The following PPARGC1A variants were observed in gnomAD, a reference collection of about 807,000 sequenced individuals.
PPARGC1A encodes the protein PPARG coactivator 1 alpha.
PPARGC1A carries 25 observed loss-of-function variants against 88.7 expected under a neutral mutation model. That is an observed-to-expected ratio of 0.28 (90% CI 0.21 to 0.39). The LOEUF (loss-of-function observed/expected upper bound fraction) is 0.39, where lower values mean the gene tolerates loss of function less well. Ranked by LOEUF, PPARGC1A falls within the 10% of genes least tolerant of loss-of-function variation. The pLI is 1.00. For synonymous variants in PPARGC1A, 363 were observed against 355.6 expected, an observed-to-expected ratio of 1.02 and a Z score of -0.24; for missense variants, 880 against 968.7, an observed-to-expected ratio of 0.91 and a Z score of 1.22.
the PPARGC1A span, among the ~76,000 whole-genome samples, chr4:24,274,291 C>T: frequency 0.87 from 132,822 of 152,026 alleles, 58,110 homozygotes; most frequent in East Asian, 1. Flanking sequence ...GGATATCCAC[C>T]TCCTACTCTA....
the PPARGC1A span, among the ~76,000 whole-genome samples, chr4:24,081,415 TAA>T: frequency 2.9e-3 from 444 of 152,118 alleles, 4 homozygotes; most frequent in African/African-American, 0.01. Context: ...ATGCAAAAAA[TAA>T]AGTCTTTTAA....
the PPARGC1A span, among the ~76,000 whole-genome samples, chr4:23,994,722 A>G: frequency 6.6e-6 from 1 of 152,182 alleles, no homozygotes; most frequent in Non-Finnish European, 1.5e-5. Flanking sequence ...AAACATCATA[A>G]GAAAGAAAGA....
the PPARGC1A span, among the ~76,000 whole-genome samples, chr4:24,055,078 C>G: frequency 6.6e-6 from 1 of 152,320 alleles, no homozygotes; most frequent in African/African-American, 2.4e-5. Flanking sequence ...ATTGCAGCTG[C>G]TACAGGACAG....
the PPARGC1A span, among the ~76,000 whole-genome samples, chr4:23,913,242 T>TTATATA: frequency 3.3e-4 from 31 of 94,586 alleles, no homozygotes; most frequent in Middle Eastern, 7.0e-3. Context: ...ATTATATATT[T>TTATATA]TATATATATA....
At chr4:24,111,847 T>G in the PPARGC1A span, among the ~76,000 whole-genome samples, 1 of 152,174 alleles carries the variant, frequency 6.6e-6, no homozygotes, top group Non-Finnish European at 1.5e-5. Context: ...TGCACACATA[T>G]AGCCACACAT....
chr4:24,050,962 C>T, the PPARGC1A span, among the ~76,000 whole-genome samples: 60 of 152,046 alleles, frequency 3.9e-4, no homozygotes, highest in Admixed American at 3.1e-3. Context: ...CCAAGGTGGG[C>T]AGATCATGAG....
chr4:24,110,385 C>G, the PPARGC1A span, among the ~76,000 whole-genome samples: 5 of 152,164 alleles, frequency 3.3e-5, no homozygotes, highest in Admixed American at 6.5e-5. Context: ...AGATAGATAC[C>G]TGAATTGCAA....
At chr4:24,335,294 G>A in the PPARGC1A span, among the ~76,000 whole-genome samples, 1 of 152,164 alleles carries the variant, frequency 6.6e-6, no homozygotes, top group Non-Finnish European at 1.5e-5. Flanking sequence ...ATTTATAGAT[G>A]AGGAAACTGA....
intron 10 of PPARGC1A, among the ~76,000 whole-genome samples, chr4:23,807,712 T>C (rs61795669): frequency 6.6e-6 from 1 of 152,088 alleles, no homozygotes; most frequent in African/African-American, 2.4e-5. Context: ...CTCCAAAATT[T>C]CCTTGTGTTG....
the PPARGC1A span, among the ~76,000 whole-genome samples, chr4:24,307,178 A>C: frequency 6.6e-6 from 1 of 152,132 alleles, no homozygotes. Context: ...GTGGTCCTGC[A>C]ATACATACCC....
At chr4:24,131,422 CAGTA>C in the PPARGC1A span, among the ~76,000 whole-genome samples, 4 of 152,104 alleles carry the variant, frequency 2.6e-5, no homozygotes, top group Admixed American at 6.5e-5. Context: ...TCTGTTGCAC[CAGTA>C]AGTAAGATAT....
At chr4:24,456,891 G>A in the PPARGC1A span, among the ~76,000 whole-genome samples, 1 of 152,130 alleles carries the variant, frequency 6.6e-6, no homozygotes, top group Admixed American at 6.5e-5. Context: ...GTATGGTGGG[G>A]ATGAAGTCTT....
chr4:24,078,142 C>T, the PPARGC1A span, among the ~76,000 whole-genome samples: 30,736 of 151,786 alleles, frequency 0.2, 4,011 homozygotes, highest in Admixed American at 0.33. Context: ...CTCACTTTCA[C>T]ATTAGAGGCC....
At chr4:24,170,695 G>A in the PPARGC1A span, among the ~76,000 whole-genome samples, 6 of 152,198 alleles carry the variant, frequency 3.9e-5, no homozygotes, top group East Asian at 1.2e-3. Context: ...GAACAACCAT[G>A]TTCTATCTCA....
chr4:24,358,744 A>G, the PPARGC1A span, among the ~76,000 whole-genome samples: 1 of 152,218 alleles, frequency 6.6e-6, no homozygotes, highest in Non-Finnish European at 1.5e-5. Context: ...CCAGTTTCTC[A>G]GAACTGAGGC....
At chr4:24,436,091 T>C in the PPARGC1A span, among the ~76,000 whole-genome samples, 1 of 152,336 alleles carries the variant, frequency 6.6e-6, no homozygotes, top group South Asian at 2.1e-4. Flanking sequence ...AAGCCTCTAA[T>C]TCCTTATATT....
the PPARGC1A span, among the ~76,000 whole-genome samples, chr4:24,013,925 G>A: frequency 1.6e-4 from 24 of 152,044 alleles, no homozygotes; most frequent in African/African-American, 4.3e-4. Context: ...AGGGAAAGGG[G>A]AATAAAAAGC....
At chr4:23,853,135 G>A (rs1410197490) in intron 2 of PPARGC1A, among the ~76,000 whole-genome samples, 1 of 151,958 alleles carries the variant, frequency 6.6e-6, no homozygotes, top group Non-Finnish European at 1.5e-5. Flanking sequence ...ATTAGAAGAA[G>A]GTTTTCATTA....
chr4:24,107,442 T>C, the PPARGC1A span, among the ~76,000 whole-genome samples: 3 of 152,202 alleles, frequency 2.0e-5, no homozygotes, highest in Non-Finnish European at 4.4e-5. Context: ...TGAATGGCAG[T>C]GGGTATGTCA....
Sources: gnomAD v4.1 joint callset for allele counts (sites outside exome capture counted in the v4.1 genomes callset) on GRCh38, gnomAD v4.1.1 for gene constraint, MANE v1.5 for transcripts, NCBI Gene and HGNC (gene_info 2026-07-23, HGNC 2026-07-21) for gene names.